Variants in TRIB1 observed in about 807,000 individuals in gnomAD.
The protein encoded by TRIB1 is tribbles pseudokinase 1.
TRIB1 carries 12 observed loss-of-function variants against 27.8 expected under a neutral mutation model. The ratio of observed to expected loss-of-function variants is 0.43; its 90% CI spans 0.28 to 0.70. The LOEUF (loss-of-function observed/expected upper bound fraction) is 0.70, where lower values mean the gene tolerates loss of function less well. Among genes scored for constraint, TRIB1 ranks in the 30% least tolerant of loss-of-function variants. TRIB1 has a pLI of 0.18. For synonymous variants in TRIB1, 230 were observed against 224.9 expected (o/e 1.02, Z -0.20); for missense variants, 475 against 515.8 (o/e 0.92, Z 0.77).
rs942401067 is a variant in TRIB1 at position 125,430,669 on chromosome 8, G to C, written c.-234G>C. The C allele has an allele frequency of 7.0e-6, 3 of 430,310 alleles. No individual in the cohort carries two copies. Among genetic ancestry groups the C allele is most frequent in the South Asian group, 6.0e-5 (1 of 16,724 alleles). The allele number at this position is 430,310 out of a possible 1,614,324, so 26.7% of individuals were successfully genotyped here. On this transcript the variant is annotated 5_prime_UTR_variant, in exon 1 of 3. Transcript: ENST00000311922. The stretch of plus-strand genomic sequence containing the variant: ...CGGGAGCCCTTGCCTGCGGGGGTCC[G>C]GGGACTCGAGCCGGCCTCCGCCTCC...
chr8:125,435,525 C>T (rs944036568), intron 2 of TRIB1, among the ~76,000 whole-genome samples: 10 of 152,234 alleles, frequency 6.6e-5, no homozygotes, highest in Middle Eastern at 3.4e-3. Context: ...CTTTGGGCTC[C>T]GTGTTCTGTA....
At chr8:125,432,190 C>T in intron 1 of TRIB1, 3 of 963,062 alleles carry the variant, frequency 3.1e-6, no homozygotes, top group African/African-American at 3.5e-5. Context: ...GACCCCGTCC[C>T]GGGGCTCGCT....
At chr8:125,431,511 C>A (rs756975711) in intron 1 of TRIB1, among the ~76,000 whole-genome samples, 5 of 152,218 alleles carry the variant, frequency 3.3e-5, no homozygotes, top group Non-Finnish European at 5.9e-5. Flanking sequence ...CTTTCCTCAG[C>A]GCCCAGTGTA....
chr8:125,430,497 A>C lies in TRIB1; in HGVS notation c.-406A>C. The C allele has an allele frequency of 5.9e-6, 1 of 170,220 alleles. No individual in the cohort carries two copies. 10.5% of individuals were successfully genotyped at this position (170,220 alleles called of 1,614,324 possible). On this transcript the variant is annotated 5_prime_UTR_variant, in exon 1 of 3. Transcript: ENST00000311922. Reference sequence around the variant, plus strand: ...GGAGACTCATCGCTTTGGGAAGTGCATTTGCTTCGTGGCTCCGCCGAGCCT... The same window carrying C: ...GGAGACTCATCGCTTTGGGAAGTGCCTTTGCTTCGTGGCTCCGCCGAGCCT...
intron 1 of TRIB1, among the ~76,000 whole-genome samples, chr8:125,431,665 C>T (rs750582582): frequency 2.0e-5 from 3 of 152,186 alleles, no homozygotes; most frequent in Non-Finnish European, 4.4e-5. Flanking sequence ...CTCCTAGGAG[C>T]TTGGAGCAGC....
At chr8:125,434,824 G>T (rs530127066) in intron 2 of TRIB1, among the ~76,000 whole-genome samples, 7 of 151,716 alleles carry the variant, frequency 4.6e-5, no homozygotes, top group Non-Finnish European at 1.0e-4. Context: ...CATATTTTCC[G>T]TTTACAGAAC....
In TRIB1 at chr8:125,433,765, C is replaced by T. The variant is rs1248954067; in HGVS notation, c.653+156C>T. 14 of 969,886 alleles carry T rather than the reference C, an allele frequency of 1.4e-5. No individual in the cohort carries two copies. Among genetic ancestry groups the T allele is most frequent in the Non-Finnish European group, 1.9e-5 (13 of 674,898 alleles). 60.1% of individuals were successfully genotyped at this position (969,886 alleles called of 1,614,324 possible). ...GCTTCTGTTCCTGAGGAGTCACAGC[C>T]AAGGTTGGTTTATTCTGCATTCTCT... On this transcript the variant is annotated intron_variant, in intron 2 of 2. Transcript: ENST00000311922. The surrounding 1 kb of genome is among the most constrained non-coding windows in gnomAD (Gnocchi z 4.4).
rs113641027 is a variant in TRIB1 at position 125,432,615 on chromosome 8, G to A, written c.361-702G>A. On this transcript the variant is annotated intron_variant, in intron 1 of 2. Coordinates refer to ENST00000311922, the MANE Select transcript of TRIB1 (RefSeq NM_025195.4). Reference sequence around the variant, plus strand: ...GGAGATGCTACTCATTTCTAGGGGTGGGGTCGGGTGTGGGGGGATAAACAA... The same window carrying A: ...GGAGATGCTACTCATTTCTAGGGGTAGGGTCGGGTGTGGGGGGATAAACAA... 5.0e-3 allele frequency among the ~76,000 whole-genome samples: 764 copies of A among 152,258 alleles called. 7 individuals are homozygous for A. Among genetic ancestry groups the A allele is most frequent in the African/African-American group, 0.018 (735 of 41,556 alleles).
intron 2 of TRIB1, 49 bp from the exon 3 acceptor site, chr8:125,435,957 T>C: frequency 6.5e-7 from 1 of 1,526,940 alleles, no homozygotes; most frequent in Non-Finnish European, 8.9e-7. Context: ...GGCTTTGTTT[T>C]TCATAGCAGC....
At position 125,436,558 on chromosome 8, in the gene TRIB1, C is replaced by A. The variant is rs775715767; in HGVS notation, c.*87C>A. ...ACAGGCCCTTTGGCGTGGTACCAACCAGATAATGACTGCATCAGGATGAAA... is the reference window on the plus strand; with the variant it reads ...ACAGGCCCTTTGGCGTGGTACCAACAAGATAATGACTGCATCAGGATGAAA... On this transcript the variant is annotated 3_prime_UTR_variant, in exon 3 of 3. Transcript: ENST00000311922. 3.2e-6 allele frequency: 4 copies of A among 1,262,814 alleles called. No individual in the cohort carries two copies. In the East Asian group the frequency reaches 9.4e-5, roughly 30 times the overall value. The allele number at this position is 1,262,814 out of a possible 1,614,324, so 78.2% of individuals were successfully genotyped here.
Position 125,430,942 on chromosome 8 carries a change from T to C in TRIB1, c.40T>C (p.Ser14Pro), listed in dbSNP as rs1392498906. Reference sequence around the variant, plus strand: ...GGTGCGCTCTGCCATGAGCGGCGCCTCGCAGCCCCGCGGCCCGGCCCTGCT... The same window carrying C: ...GGTGCGCTCTGCCATGAGCGGCGCCCCGCAGCCCCGCGGCCCGGCCCTGCT... ...GPVRSAMSGA[S>P]QPRGPALLFP... is the part of the protein sequence containing the mutation. The change falls in exon 1 of 3, where the codon TCG becomes CCG. Residue 14 changes from serine to proline, a missense_variant. By Grantham distance (74) the Ser-to-Pro change is moderately conservative (BLOSUM62 -1). Coordinates refer to ENST00000311922, the MANE Select transcript of TRIB1 (RefSeq NM_025195.4). 8 of 1,471,348 alleles carry C rather than the reference T, an allele frequency of 5.4e-6. No individual in the cohort carries two copies. In the East Asian group the frequency reaches 2.4e-4, roughly 44 times the overall value. 91.1% of individuals were successfully genotyped at this position (1,471,348 alleles called of 1,614,324 possible). A position where few individuals can be genotyped will look rare whatever the true frequency, so the allele number is the denominator to read the frequency against.
Position 125,431,052 on chromosome 8 carries a change from C to A in TRIB1, c.150C>A (p.Leu50=). 1.4e-6 allele frequency: 2 copies of A among 1,451,622 alleles called. No homozygotes were observed. The highest frequency in any genetic ancestry group is 1.8e-6 in the Non-Finnish European group (2 of 1,109,684). The allele number at this position is 1,451,622 out of a possible 1,614,324, so 89.9% of individuals were successfully genotyped here. The change falls in exon 1 of 3, where the codon CTC becomes CTA. Residue 50 remains leucine (L), a synonymous_variant. Coordinates refer to ENST00000311922, the MANE Select transcript of TRIB1 (RefSeq NM_025195.4). ...CTGTGGCGGCCAAGTGCCCGCGCCTCTCCGAGTGCTCCAGCCCCCCGGACT... is the reference window on the plus strand; with the variant it reads ...CTGTGGCGGCCAAGTGCCCGCGCCTATCCGAGTGCTCCAGCCCCCCGGACT... ...AAAVAAKCPR[L]SECSSPPDYL...
At chr8:125,435,358 G>C (rs1814731013) in intron 2 of TRIB1, among the ~76,000 whole-genome samples, 1 of 152,176 alleles carries the variant, frequency 6.6e-6, no homozygotes, top group South Asian at 2.1e-4. Flanking sequence ...CAGGCAAAGT[G>C]TTCTTTGCAG....
At chr8:125,434,695 A>G (rs1362390347) in intron 2 of TRIB1, among the ~76,000 whole-genome samples, 1 of 152,230 alleles carries the variant, frequency 6.6e-6, no homozygotes, top group African/African-American at 2.4e-5. Context: ...TATCATGGGC[A>G]TGGGGTTTGG....
At chr8:125,431,585 C>T (rs1419539830) in intron 1 of TRIB1, among the ~76,000 whole-genome samples, 3 of 152,212 alleles carry the variant, frequency 2.0e-5, no homozygotes, top group Non-Finnish European at 2.9e-5. Flanking sequence ...CATTCCCCTT[C>T]TCTCATTCTC....
Position 125,436,822 on chromosome 8 carries a change from A to G in TRIB1, c.*351A>G, listed in dbSNP as rs1814760230. 6.8e-6 allele frequency: 2 copies of G among 292,716 alleles called. No individual in the cohort carries two copies. Among genetic ancestry groups the G allele is most frequent in the African/African-American group, 4.3e-5 (2 of 46,264 alleles). The allele number at this position is 292,716 out of a possible 1,614,324, so 18.1% of individuals were successfully genotyped here. A position where few individuals can be genotyped will look rare whatever the true frequency, so the allele number is the denominator to read the frequency against. On this transcript the variant is annotated 3_prime_UTR_variant, in exon 3 of 3. Transcript: ENST00000311922. ...AGCATTCGAATGGGAGAAAAAGCAA[A>G]TCGCACAATGACATATTTTGAGTAA...
chr8:125,432,674 C>G (rs1356291896), intron 1 of TRIB1, among the ~76,000 whole-genome samples: 7 of 151,116 alleles, frequency 4.6e-5, no homozygotes, highest in African/African-American at 1.7e-4. Flanking sequence ...GATTCCATAC[C>G]CTTCCTGTGA....
In TRIB1 at chr8:125,436,585, C is replaced by A; in HGVS notation, c.*114C>A. The A allele has an allele frequency of 9.9e-7, 1 of 1,011,252 alleles. No individual in the cohort carries two copies. 62.6% of individuals were successfully genotyped at this position (1,011,252 alleles called of 1,614,324 possible). On this transcript the variant is annotated 3_prime_UTR_variant, in exon 3 of 3. Coordinates refer to ENST00000311922, the MANE Select transcript of TRIB1 (RefSeq NM_025195.4). ...GATAATGACTGCATCAGGATGAAAG[C>A]TGCTGAACTCGGCATGGCGCCTCCT...
intron 1 of TRIB1, chr8:125,432,431 T>G (rs1244873092): frequency 1.1e-5 from 4 of 371,940 alleles, no homozygotes; most frequent in Non-Finnish European, 1.5e-5. Flanking sequence ...GTGGGGTGAG[T>G]CTGGCCATTG....
Sources: gnomAD v4.1 joint callset for allele counts (sites outside exome capture counted in the v4.1 genomes callset) on GRCh38, gnomAD v4.1.1 for gene constraint, Gnocchi (gnomAD v3.1) non-coding constraint, MANE v1.5 for transcripts, NCBI Gene and HGNC (gene_info 2026-07-23, HGNC 2026-07-21) for gene names.